Variants in ZC3H12B observed in about 807,000 individuals in gnomAD.
The protein encoded by ZC3H12B is probable ribonuclease ZC3H12B.
In ZC3H12B, 7 loss-of-function variants were observed where a neutral mutation model predicts 43.9. That is an observed-to-expected ratio of 0.16 (90% CI 0.09 to 0.30). ZC3H12B has a LOEUF of 0.30. Among genes scored for constraint, ZC3H12B ranks in the 10% least tolerant of loss-of-function variants. The pLI is 1.00. For synonymous variants in ZC3H12B, 222 were observed against 241.7 expected, an observed-to-expected ratio of 0.92 and a Z score of 0.76; for missense variants, 475 against 670.2, an observed-to-expected ratio of 0.71 and a Z score of 3.22.
intron 3 of ZC3H12B, among the ~76,000 whole-genome samples, chrX:65,423,179 C>T (rs998317916): frequency 9.0e-6 from 1 of 110,682 alleles, no homozygotes; most frequent in African/African-American, 3.3e-5. Flanking sequence ...GATCCGCATG[C>T]CTCGGCCTCC....
At chrX:65,189,699 C>T in the ZC3H12B span, among the ~76,000 whole-genome samples, 1 of 106,537 alleles carries the variant, frequency 9.4e-6, no homozygotes, top group Non-Finnish European at 1.9e-5. Context: ...GGATATTAGC[C>T]CTTTGTCAGA....
the ZC3H12B span, among the ~76,000 whole-genome samples, chrX:65,233,263 C>T: frequency 0.083 from 9,254 of 111,257 alleles, 1,027 homozygotes; most frequent in African/African-American, 0.29. Context: ...TAGACATTTA[C>T]GGAACATTTT....
the ZC3H12B span, among the ~76,000 whole-genome samples, chrX:65,259,971 A>G: frequency 8.9e-6 from 1 of 111,907 alleles, no homozygotes; most frequent in African/African-American, 3.2e-5. Context: ...TAACTCGGGA[A>G]TGGAAAACTA....
At chrX:65,276,363 A>G in the ZC3H12B span, among the ~76,000 whole-genome samples, 1 of 111,565 alleles carries the variant, frequency 9.0e-6, no homozygotes, top group Non-Finnish European at 1.9e-5. Context: ...AAATAGATTG[A>G]ACCCAGACAG....
chrX:65,045,053 T>C, the ZC3H12B span, among the ~76,000 whole-genome samples: 1 of 111,540 alleles, frequency 9.0e-6, no homozygotes, highest in Non-Finnish European at 1.9e-5. Flanking sequence ...TTAATTCTTT[T>C]AATTAAGAAA....
intron 3 of ZC3H12B, chrX:65,469,620 C>T (rs1292703241): frequency 4.7e-6 from 1 of 212,723 alleles, no homozygotes. Flanking sequence ...AGCCACTGAC[C>T]TGGATTGACT....
the ZC3H12B span, among the ~76,000 whole-genome samples, chrX:65,097,765 G>C: frequency 9.0e-6 from 1 of 111,696 alleles, no homozygotes; most frequent in African/African-American, 3.2e-5. Context: ...ATTTTAAAAA[G>C]AGTGAGCCCA....
the ZC3H12B span, among the ~76,000 whole-genome samples, chrX:65,180,226 T>C: frequency 2.7e-5 from 3 of 111,907 alleles, no homozygotes; most frequent in African/African-American, 9.7e-5. Context: ...ACATAATCTG[T>C]CTCATAAACA....
chrX:65,505,767 T>C lies in ZC3H12B; in HGVS notation c.*2558T>C, dbSNP rs562480589. 23 of 112,553 alleles carry C rather than the reference T, an allele frequency of 2.0e-4. No homozygotes were observed. In the South Asian group the frequency reaches 8.5e-3, roughly 42 times the overall value. The allele number at this position is 112,553 out of a possible 1,213,427, so 9.3% of individuals were successfully genotyped here. ...CAAGATTCATCTTGTCACCTACAAT[T>C]CGTCTTGAACATGTTCATATTTAGT... On this transcript the variant is annotated 3_prime_UTR_variant, in exon 5 of 5. Coordinates refer to ENST00000338957, the Ensembl canonical transcript of ZC3H12B.
the ZC3H12B span, among the ~76,000 whole-genome samples, chrX:65,168,692 C>T: frequency 9.0e-6 from 1 of 111,090 alleles, no homozygotes; most frequent in Non-Finnish European, 1.9e-5. Context: ...GATTGGTAGG[C>T]TATTAATTAT....
the ZC3H12B span, among the ~76,000 whole-genome samples, chrX:65,195,795 C>G: frequency 1.8e-5 from 2 of 112,003 alleles, no homozygotes; most frequent in Non-Finnish European, 3.8e-5. Flanking sequence ...AGACTAACAC[C>G]TTTGTCCTAC....
chrX:65,319,013 G>A, the ZC3H12B span, among the ~76,000 whole-genome samples: 6 of 111,003 alleles, frequency 5.4e-5, no homozygotes, highest in Non-Finnish European at 1.1e-4. Context: ...ACACCTAGAG[G>A]ACCTAGAGAA....
intron 3 of ZC3H12B, among the ~76,000 whole-genome samples, chrX:65,474,156 G>A (rs759500080): frequency 1.8e-4 from 20 of 111,720 alleles, no homozygotes; most frequent in Non-Finnish European, 2.6e-4. Context: ...CAGATGTTGG[G>A]TGTGTATATA....
At chrX:65,072,747 C>G in the ZC3H12B span, among the ~76,000 whole-genome samples, 3 of 111,747 alleles carry the variant, frequency 2.7e-5, no homozygotes, top group Non-Finnish European at 5.6e-5. Context: ...GCAGTGGCAG[C>G]AGCAACATGG....
At chrX:65,214,539 C>T in the ZC3H12B span, among the ~76,000 whole-genome samples, 1 of 111,531 alleles carries the variant, frequency 9.0e-6, no homozygotes, top group Non-Finnish European at 1.9e-5. Flanking sequence ...TCCGTTTTAC[C>T]ATGAGACTGC....
chrX:65,062,957 T>C, the ZC3H12B span, among the ~76,000 whole-genome samples: 1 of 111,705 alleles, frequency 9.0e-6, no homozygotes. Context: ...TTTGGCTCTC[T>C]GTTTGTCTAT....
At chrX:65,163,433 C>G in the ZC3H12B span, among the ~76,000 whole-genome samples, 1 of 111,565 alleles carries the variant, frequency 9.0e-6, no homozygotes, top group East Asian at 2.8e-4. Flanking sequence ...CCAGTTCGAG[C>G]TTCCTGGCTG....
At chrX:65,096,608 G>C in the ZC3H12B span, among the ~76,000 whole-genome samples, 5 of 111,185 alleles carry the variant, frequency 4.5e-5, no homozygotes, top group African/African-American at 1.6e-4. Flanking sequence ...AAACTGAAAA[G>C]CAAAAAGAAG....
At chrX:65,506,353 C>T (rs894112675) in exon 5 of ZC3H12B, 45 of 112,396 alleles carry the variant, frequency 4.0e-4, no homozygotes, top group African/African-American at 1.4e-3. Context: ...AGCATGGTTC[C>T]TAGTTATTAG....
Sources: allele counts gnomAD v4.1 joint callset (sites outside exome capture counted in the v4.1 genomes callset), GRCh38; gene constraint gnomAD v4.1.1; transcripts MANE v1.5; gene names NCBI Gene and HGNC (gene_info 2026-07-23, HGNC 2026-07-21).